PARP15: variants seen among roughly 807,000 people sequenced by gnomAD.
The protein encoded by PARP15 is protein mono-ADP-ribosyltransferase PARP15.
In PARP15, 50 loss-of-function variants were observed where a neutral mutation model predicts 62.1. That is an observed-to-expected ratio of 0.81 (90% CI 0.64 to 1.02). The LOEUF is 1.02. Ranked by LOEUF, PARP15 falls within the 50% of genes least tolerant of loss-of-function variation. The pLI is 0.00. For missense variants in PARP15, 820 were observed against 826.5 expected, an observed-to-expected ratio of 0.99 and a Z score of 0.10; for synonymous variants, 309 against 293.1, an observed-to-expected ratio of 1.05 and a Z score of -0.55.
At chr3:122,626,480 G>A (rs997305632) in intron 8 of PARP15, among the ~76,000 whole-genome samples, 10 of 152,148 alleles carry the variant, frequency 6.6e-5, no homozygotes, top group Non-Finnish European at 1.5e-5. Context: ...TTACAGGCGT[G>A]AGCCACCGCA....
intron 8 of PARP15, among the ~76,000 whole-genome samples, chr3:122,626,592 A>G (rs991063458): frequency 6.6e-6 from 1 of 152,172 alleles, no homozygotes; most frequent in Non-Finnish European, 1.5e-5. Context: ...ATAAGACACA[A>G]TTATGGAGTA....
intron 1 of PARP15, among the ~76,000 whole-genome samples, chr3:122,580,009 A>G (rs866111411): frequency 0.052 from 5,781 of 111,962 alleles, 307 homozygotes; most frequent in Admixed American, 0.077. Flanking sequence ...GTATATATAT[A>G]TATATATATA....
At position 122,617,003 on chromosome 3, in the gene PARP15, C is replaced by T; in HGVS notation, c.851-12C>T. 6.2e-7 allele frequency: 1 copy of T among 1,612,080 alleles called. No individual in the cohort carries two copies. Among genetic ancestry groups the T allele is most frequent in the Non-Finnish European group, 8.5e-7 (1 of 1,178,784 alleles). On this transcript the variant is annotated splice_polypyrimidine_tract_variant and intron_variant, in intron 5 of 11. Transcript: ENST00000464300. ...AGCCAGCCCATTCTTTACCTATTTTCTTTCTTTTCAGGTGTGGTCGGGACT... is the reference window on the plus strand; with the variant it reads ...AGCCAGCCCATTCTTTACCTATTTTTTTTCTTTTCAGGTGTGGTCGGGACT...
chr3:122,612,994 C>A, intron 3 of PARP15, 47 bp from the exon 4 acceptor site: 1 of 1,473,188 alleles, frequency 6.8e-7, no homozygotes, highest in Non-Finnish European at 9.3e-7. Context: ...TTCTGTTTTC[C>A]GCTAGCTTAA....
At chr3:122,608,843 C>T (rs1384722665) in intron 2 of PARP15, among the ~76,000 whole-genome samples, 1 of 151,150 alleles carries the variant, frequency 6.6e-6, no homozygotes, top group Non-Finnish European at 1.5e-5. Context: ...TCACGGTTCA[C>T]TGCAGTCTCA....
At chr3:122,596,169 C>T (rs1934326113) in intron 1 of PARP15, among the ~76,000 whole-genome samples, 1 of 151,662 alleles carries the variant, frequency 6.6e-6, no homozygotes, top group Non-Finnish European at 1.5e-5. Flanking sequence ...CCATCCTGGC[C>T]AACATGGTGA....
chr3:122,592,244 G>A (rs1016881171), intron 1 of PARP15, among the ~76,000 whole-genome samples: 1 of 152,178 alleles, frequency 6.6e-6, no homozygotes, highest in Non-Finnish European at 1.5e-5. Flanking sequence ...TATATATCAT[G>A]GAATACTATA....
chr3:122,581,895 T>C (rs1932977951), intron 1 of PARP15, among the ~76,000 whole-genome samples: 1 of 152,230 alleles, frequency 6.6e-6, no homozygotes, highest in Admixed American at 6.5e-5. Context: ...TTTTGACTAC[T>C]GTAGCTTTGT....
intron 9 of PARP15, among the ~76,000 whole-genome samples, chr3:122,628,373 C>T (rs527610951): frequency 2.0e-5 from 3 of 152,122 alleles, no homozygotes; most frequent in Non-Finnish European, 2.9e-5. Context: ...TAGCTGTTCC[C>T]CAGAGGAAAT....
At chr3:122,622,270 TG>T (rs1185243068) in intron 8 of PARP15, among the ~76,000 whole-genome samples, 4 of 152,208 alleles carry the variant, frequency 2.6e-5, no homozygotes, top group Admixed American at 2.6e-4. Flanking sequence ...GGATCTCCTC[TG>T]GGGGAGTTTT....
intron 1 of PARP15, among the ~76,000 whole-genome samples, chr3:122,604,962 G>A (rs536387179): frequency 2.0e-5 from 3 of 152,186 alleles, no homozygotes; most frequent in Non-Finnish European, 4.4e-5. Flanking sequence ...CTTGAATCCG[G>A]GAGGCAGAGG....
At chr3:122,588,807 T>A (rs1247011047) in intron 1 of PARP15, among the ~76,000 whole-genome samples, 1 of 152,242 alleles carries the variant, frequency 6.6e-6, no homozygotes, top group Non-Finnish European at 1.5e-5. Flanking sequence ...TTCTGGACAT[T>A]TCACATAAAT....
Position 122,605,959 on chromosome 3 carries a change from G to A in PARP15, c.210G>A (p.Lys70=). ...RSMSRDNKFS[K]KDCLSIRNVV... ...AGTCCAGAGACAACAAGTTCAGCAAGAAAGATTGTCTTTCAATCAGGAATG... is the reference window on the plus strand; with the variant it reads ...AGTCCAGAGACAACAAGTTCAGCAAAAAAGATTGTCTTTCAATCAGGAATG... The change falls in exon 2 of 12, where the codon AAG becomes AAA. Residue 70 remains lysine, a synonymous_variant. Coordinates refer to ENST00000464300, the MANE Select transcript of PARP15 (RefSeq NM_001113523.3). 1 of 1,551,660 alleles carries A rather than the reference G, an allele frequency of 6.4e-7. No homozygotes were observed. The highest frequency in any genetic ancestry group is 1.2e-5 in the South Asian group (1 of 84,022).
rs573937924 is a variant in PARP15 at position 122,626,811 on chromosome 3, T to C, written c.1232-16T>C. 10 of 1,604,396 alleles carry C rather than the reference T, an allele frequency of 6.2e-6. No individual in the cohort carries two copies. The African/African-American group carries it at 1.2e-4, about 19-fold the overall frequency. On this transcript the variant is annotated splice_polypyrimidine_tract_variant and intron_variant, in intron 8 of 11. Coordinates refer to ENST00000464300, the MANE Select transcript of PARP15 (RefSeq NM_001113523.3). ...ACATCGGGGGAAACTTCTTTGTCAT[T>C]AAATTTTTTTTTCAGGAAATGCCGG...
In PARP15 at chr3:122,617,099, A is replaced by T. The variant is rs1936025273; in HGVS notation, c.935A>T (p.Asp312Val). 1 of 1,613,976 alleles carries T rather than the reference A, an allele frequency of 6.2e-7. No individual in the cohort carries two copies. Among genetic ancestry groups the T allele is most frequent in the African/African-American group, 1.3e-5 (1 of 74,932 alleles). Residue 312 changes from aspartate to valine, a missense_variant, in exon 6 of 12, where the codon GAT becomes GTT. Physicochemically the swap from Asp to Val is radical, Grantham distance 152. Transcript: ENST00000464300. ...ATTACTTTTCAGGTTGCTACTGGAGATATAGCCACTGAACAGGTAGATGTT... is the reference window on the plus strand; with the variant it reads ...ATTACTTTTCAGGTTGCTACTGGAGTTATAGCCACTGAACAGGTAGATGTT... ...GAITFQVATG[D>V]IATEQVDVIV...
intron 1 of PARP15, among the ~76,000 whole-genome samples, chr3:122,590,961 A>G (rs766364202): frequency 2.0e-5 from 3 of 152,224 alleles, no homozygotes; most frequent in Non-Finnish European, 2.9e-5. Flanking sequence ...ATCATTTACT[A>G]TCATGTTTGT....
At chr3:122,600,334 G>A (rs1421655866) in intron 1 of PARP15, among the ~76,000 whole-genome samples, 3 of 152,004 alleles carry the variant, frequency 2.0e-5, no homozygotes, top group Non-Finnish European at 4.4e-5. Flanking sequence ...TGCCTGGGAA[G>A]TTATTGTTTC....
At chr3:122,630,048 G>C (rs1354493136) in intron 9 of PARP15, among the ~76,000 whole-genome samples, 1 of 152,196 alleles carries the variant, frequency 6.6e-6, no homozygotes. Flanking sequence ...GGGGACCCCT[G>C]TCTTAAAAAA....
chr3:122,608,213 C>CTTTTTTTTTTTTTTTTTT (rs71136576), intron 2 of PARP15, among the ~76,000 whole-genome samples: 3 of 113,910 alleles, frequency 2.6e-5, no homozygotes, highest in Admixed American at 1.8e-4. Flanking sequence ...TTTCTCTTTT[C>CTTTTTTTTTTTTTTTTTT]TTTTTTTTTT....
Sources: gnomAD v4.1 joint callset for allele counts (sites outside exome capture counted in the v4.1 genomes callset) on GRCh38, gnomAD v4.1.1 for gene constraint, MANE v1.5 for transcripts, NCBI Gene and HGNC (gene_info 2026-07-23, HGNC 2026-07-21) for gene names.